The following RANBP3 variants were observed in gnomAD, a reference collection of about 807,000 sequenced individuals.
RANBP3 encodes ran-binding protein 3.
RANBP3 carries 14 observed loss-of-function variants against 77.3 expected under a neutral mutation model. The observed-to-expected ratio is 0.18, with a 90% CI of 0.12 to 0.28. The LOEUF is 0.28. RANBP3 is among the 10% of genes least tolerant of loss of function. The pLI, the probability that RANBP3 is intolerant of heterozygous loss-of-function variation, is 1.00. For missense variants in RANBP3, 586 were observed against 752.3 expected (o/e 0.78, Z 2.59); for synonymous variants, 315 against 312.4 (o/e 1.01, Z -0.09).
At chr19:5,963,442 T>C (rs1422974645) in intron 1 of RANBP3, among the ~76,000 whole-genome samples, 1 of 152,138 alleles carries the variant, frequency 6.6e-6, no homozygotes, top group African/African-American at 2.4e-5. Flanking sequence ...TCCCAGCTAC[T>C]TGGGAGGCCG....
At chr19:5,920,232 T>C (rs2057800366) in intron 14 of RANBP3, among the ~76,000 whole-genome samples, 2 of 151,996 alleles carry the variant, frequency 1.3e-5, no homozygotes, top group African/African-American at 4.8e-5. Context: ...CCTGTCTTTA[T>C]AAAGACAAAA....
Position 5,924,210 on chromosome 19 carries a change from G to A in RANBP3, c.997-296C>T, listed in dbSNP as rs1473685273. Reference sequence around the variant, plus strand: ...AGCACAGCGTGGCCACGAAGGAAGAGAAGCTGCAGAGTACTTAATGCAGCC... The same window carrying A: ...AGCACAGCGTGGCCACGAAGGAAGAAAAGCTGCAGAGTACTTAATGCAGCC... On this transcript the variant is annotated intron_variant, in intron 11 of 16. Transcript: ENST00000340578. The surrounding 1 kb of genome is among the most constrained non-coding windows in gnomAD (Gnocchi z 4.7). Among the ~76,000 whole-genome samples the A allele has an allele frequency of 1.3e-5, 2 of 152,250 alleles. No homozygotes were observed. Among genetic ancestry groups the A allele is most frequent in the Non-Finnish European group, 2.9e-5 (2 of 68,046 alleles).
intron 5 of RANBP3, chr19:5,935,840 C>T (rs191142234): frequency 2.5e-4 from 115 of 456,536 alleles, no homozygotes; most frequent in African/African-American, 2.1e-3. Flanking sequence ...AAATTTTCTT[C>T]TGCAACACAG....
At position 5,959,535 on chromosome 19, in the gene RANBP3, G is replaced by A. The variant is rs1352906759; in HGVS notation, c.23-1562C>T. 2.0e-5 allele frequency among the ~76,000 whole-genome samples: 3 copies of A among 152,026 alleles called. No homozygotes were observed. Among genetic ancestry groups the A allele is most frequent in the Non-Finnish European group, 2.9e-5 (2 of 67,998 alleles). On this transcript the variant is annotated intron_variant, in intron 1 of 16. Transcript: ENST00000340578. The surrounding 1 kb of genome is among the most constrained non-coding windows in gnomAD (Gnocchi z 5.1). The stretch of plus-strand genomic sequence containing the variant: ...AAACACTGGAGTGAGTGGCGTGCGC[G>A]AGACCCAGGGGCTACAAGGGAGCAG...
At chr19:5,917,729 G>A (rs2057759817) in intron 16 of RANBP3, 65 bp downstream of exon 16, 2 of 1,587,760 alleles carry the variant, frequency 1.3e-6, no homozygotes, top group South Asian at 1.1e-5. Context: ...CAGGAGATCA[G>A]CACTGGATCA....
chr19:5,937,438 A>C (rs1303072792), intron 5 of RANBP3, among the ~76,000 whole-genome samples: 2 of 152,152 alleles, frequency 1.3e-5, no homozygotes, highest in African/African-American at 4.8e-5. Context: ...TGTAATCCTC[A>C]AGGTCATGAA....
intron 1 of RANBP3, among the ~76,000 whole-genome samples, chr19:5,964,856 G>A (rs2058446145): frequency 7.7e-6 from 1 of 129,170 alleles, no homozygotes; most frequent in Non-Finnish European, 1.7e-5. Context: ...GTAGGGTGGG[G>A]GGGGGGGTGG....
chr19:5,962,046 C>G (rs914666525), intron 1 of RANBP3, among the ~76,000 whole-genome samples: 1 of 152,102 alleles, frequency 6.6e-6, no homozygotes, highest in South Asian at 2.1e-4. Flanking sequence ...CACTCCCTCC[C>G]GAGCAGGCCT....
chr19:5,936,750 A>T (rs2058069374), intron 5 of RANBP3, among the ~76,000 whole-genome samples: 1 of 152,154 alleles, frequency 6.6e-6, no homozygotes. Context: ...CTGAACATTA[A>T]ATAAAAACCA....
At chr19:5,955,734 A>G (rs1391124249) in intron 2 of RANBP3, among the ~76,000 whole-genome samples, 2 of 152,192 alleles carry the variant, frequency 1.3e-5, no homozygotes, top group Non-Finnish European at 2.9e-5. Context: ...GATACTAAAT[A>G]TCTTAAGGCT....
Position 5,918,578 on chromosome 19 carries a change from T to C in RANBP3, c.1391A>G (p.Gln464Arg), listed in dbSNP as rs763555896. The C allele has an allele frequency of 2.5e-6, 4 of 1,613,742 alleles. No homozygotes were observed. In the East Asian group the frequency reaches 8.9e-5, roughly 36 times the overall value. The change falls in exon 15 of 17, where the codon CAG (glutamine) becomes CGG (arginine). Residue 464 changes from glutamine (Q) to arginine (R), a missense_variant. Gln to Arg is a conservative substitution (Grantham distance 43). Coordinates refer to ENST00000340578, the MANE Select transcript of RANBP3 (RefSeq NM_007322.3). ...ILNTKLWAQMQIDKASEKSIR... is the reference protein window; with the variant it reads ...ILNTKLWAQMRIDKASEKSIR... ...GCTCTTCTCGCTGGCCTTGTCGATC[T>C]GCATCTGGGCCCACAGCTTGGTGTT...
rs374994468 is a variant in RANBP3 at position 5,924,776 on chromosome 19, T to C, written c.996+51A>G. 21 of 1,551,520 alleles carry C rather than the reference T, an allele frequency of 1.4e-5. No individual in the cohort carries two copies. The highest frequency in any genetic ancestry group is 1.9e-5 in the Non-Finnish European group (21 of 1,123,476). On this transcript the variant is annotated intron_variant, in intron 11 of 16. Coordinates refer to ENST00000340578, the MANE Select transcript of RANBP3 (RefSeq NM_007322.3). The surrounding 1 kb of genome is among the most constrained non-coding windows in gnomAD (Gnocchi z 4.7). ...TCTCCATGTCCCCTTGACCTGTGGC[T>C]GGCGCCGAGAGCCTCTGGTCCCTGA... is the stretch of plus-strand genomic sequence containing the variant.
At position 5,951,520 on chromosome 19, in the gene RANBP3, G is replaced by A. The variant is rs770419454; in HGVS notation, c.155C>T (p.Thr52Met). The A allele has an allele frequency of 3.7e-6, 6 of 1,612,114 alleles. No homozygotes were observed. The highest frequency in any genetic ancestry group is 1.3e-5 in the African/African-American group (1 of 75,044). Reference sequence around the variant, plus strand: ...CTCGCCAGCTGACTCGGGGTGACCCGTGCCATGGTGGGGGGCCTCAGCCTC... The same window carrying A: ...CTCGCCAGCTGACTCGGGGTGACCCATGCCATGGTGGGGGGCCTCAGCCTC... ...RGEAEAPHHGTGHPESAGEHA... is the reference protein window; with the variant it reads ...RGEAEAPHHGMGHPESAGEHA... Residue 52 changes from threonine (T) to methionine (M), a missense_variant, in exon 3 of 17, where the codon ACG (threonine) becomes ATG (methionine). Physicochemically the swap from Thr to Met is moderately conservative, Grantham distance 81. This residue lies in a region of RANBP3 where 172 missense variants were observed against 183.4 expected (regional missense o/e 0.94). Transcript: ENST00000340578.
intron 1 of RANBP3, among the ~76,000 whole-genome samples, chr19:5,965,252 A>G (rs1332965673): frequency 6.6e-6 from 1 of 150,740 alleles, no homozygotes; most frequent in Non-Finnish European, 1.5e-5. Context: ...ACCCTGATGA[A>G]GTCACCTCTG....
rs1399909588 is a variant in RANBP3, at chr19:5,958,533, C to A, written c.23-560G>T. Among the ~76,000 whole-genome samples the A allele has an allele frequency of 1.3e-5, 2 of 152,220 alleles. No individual in the cohort carries two copies. Among genetic ancestry groups the A allele is most frequent in the Admixed American group, 1.3e-4 (2 of 15,284 alleles). ...CCTGAGAGTCCATCTTGCACAGCGG[C>A]TGAAGGAAGAAACACTCTGGGGTGT... On this transcript the variant is annotated intron_variant, in intron 1 of 16. Transcript: ENST00000340578. The surrounding 1 kb of genome is among the most constrained non-coding windows in gnomAD (Gnocchi z 4.4).
At chr19:5,933,737 G>A in intron 5 of RANBP3, 1 of 417,736 alleles carries the variant, frequency 2.4e-6, no homozygotes, top group Non-Finnish European at 4.3e-6. Context: ...TGGGGCGTCA[G>A]CCGCCCTCCC....
At chr19:5,955,369 G>T (rs1423991873) in intron 2 of RANBP3, among the ~76,000 whole-genome samples, 1 of 152,158 alleles carries the variant, frequency 6.6e-6, no homozygotes, top group Non-Finnish European at 1.5e-5. Flanking sequence ...CTCCCAAAGT[G>T]CTGGGATTAC....
chr19:5,953,386 C>G (rs1475507104), intron 2 of RANBP3, among the ~76,000 whole-genome samples: 1 of 152,146 alleles, frequency 6.6e-6, no homozygotes, highest in Admixed American at 6.5e-5. Flanking sequence ...ACATGGCTGG[C>G]AAAAACCACG....
intron 8 of RANBP3, 103 bp downstream of exon 8, chr19:5,931,301 G>A (rs569908379): frequency 3.6e-6 from 5 of 1,396,206 alleles, no homozygotes; most frequent in Non-Finnish European, 4.8e-6. Flanking sequence ...AAACTGCTTG[G>A]AACAGGTGAC....
Sources: gnomAD v4.1 joint callset for allele counts (sites outside exome capture counted in the v4.1 genomes callset) on GRCh38, gnomAD v4.1.1 for gene constraint, gnomAD v4.1.1 regional missense constraint, Gnocchi (gnomAD v3.1) non-coding constraint, MANE v1.5 for transcripts, NCBI Gene and HGNC (gene_info 2026-07-23, HGNC 2026-07-21) for gene names.